JAM2: variants seen among roughly 807,000 people sequenced by gnomAD.
JAM2 encodes junctional adhesion molecule B.
JAM2 carries 17 observed loss-of-function variants against 42.0 expected under a neutral mutation model. The observed-to-expected ratio is 0.40, with a 90% CI of 0.28 to 0.61. The LOEUF is 0.61. Ranked by LOEUF, JAM2 falls within the 20% of genes least tolerant of loss-of-function variation. JAM2 has a pLI of 0.37. For missense variants in JAM2, 319 were observed against 358.3 expected, an observed-to-expected ratio of 0.89 and a Z score of 0.89; for synonymous variants, 118 against 128.6, an observed-to-expected ratio of 0.92 and a Z score of 0.56.
chr21:25,673,836 T>C (rs1178036237), intron 1 of JAM2, among the ~76,000 whole-genome samples: 1 of 152,222 alleles, frequency 6.6e-6, no homozygotes, highest in Non-Finnish European at 1.5e-5. Flanking sequence ...TCTTGAATTG[T>C]AGCTCCTGTA....
intron 1 of JAM2, among the ~76,000 whole-genome samples, chr21:25,658,689 C>T (rs1329554016): frequency 6.6e-6 from 1 of 151,920 alleles, no homozygotes; most frequent in Non-Finnish European, 1.5e-5. Flanking sequence ...TGTTGGGTAA[C>T]CTGAGGGGAT....
rs1471958248 is a variant in JAM2 at position 25,716,838 on chromosome 21, AT to A, written c.*2169del. On this transcript the variant is annotated 3_prime_UTR_variant, in exon 10 of 10. Transcript: ENST00000480456. ...ATGTTACCTATGTTTTGGTTGGAAG[AT>A]TTCTTTGGTTTGAGGAATGCTTTCC... 3 of 152,200 alleles carry A rather than the reference AT, an allele frequency of 2.0e-5. No homozygotes were observed. The East Asian group carries it at 5.8e-4, about 29-fold the overall frequency. The allele number at this position is 152,200 out of a possible 1,614,324, so 9.4% of individuals were successfully genotyped here.
intron 3 of JAM2, chr21:25,692,393 G>T: frequency 5.0e-6 from 1 of 199,384 alleles, no homozygotes; most frequent in East Asian, 1.2e-4. Context: ...CACAATCACT[G>T]ACAAGGAGAT....
chr21:25,692,231 T>C (rs2033899406), intron 3 of JAM2: 1 of 155,746 alleles, frequency 6.4e-6, no homozygotes, highest in Non-Finnish European at 1.5e-5. Flanking sequence ...AAACCAACAG[T>C]GAAACATTAA....
intron 1 of JAM2, among the ~76,000 whole-genome samples, chr21:25,652,817 C>T (rs1237160800): frequency 6.6e-6 from 1 of 152,194 alleles, no homozygotes; most frequent in Non-Finnish European, 1.5e-5. Context: ...ACTAAAAAGG[C>T]CCAGAAGACA....
intron 1 of JAM2, among the ~76,000 whole-genome samples, chr21:25,645,817 T>C (rs2032592497): frequency 6.6e-6 from 1 of 152,240 alleles, no homozygotes; most frequent in African/African-American, 2.4e-5. Flanking sequence ...TACAGCATGT[T>C]ACTGTACTGG....
chr21:25,690,519 T>TA (rs1207664012), intron 3 of JAM2, among the ~76,000 whole-genome samples: 1 of 152,102 alleles, frequency 6.6e-6, no homozygotes, highest in Non-Finnish European at 1.5e-5. Flanking sequence ...TTTATTTATT[T>TA]TTTTGTAGAG....
chr21:25,645,032 C>G (rs2032565661), intron 1 of JAM2, among the ~76,000 whole-genome samples: 3 of 152,156 alleles, frequency 2.0e-5, no homozygotes. Context: ...AGGCTCCCAC[C>G]ACCACGCCCA....
intron 1 of JAM2, among the ~76,000 whole-genome samples, chr21:25,676,672 T>C (rs1199123785): frequency 6.6e-6 from 1 of 152,212 alleles, no homozygotes; most frequent in African/African-American, 2.4e-5. Context: ...AAGACAATTG[T>C]TGACCTCAAC....
At chr21:25,709,046 G>A (rs373970368) in intron 7 of JAM2, among the ~76,000 whole-genome samples, 21 of 152,086 alleles carry the variant, frequency 1.4e-4, no homozygotes, top group East Asian at 3.9e-4. Context: ...GATAGGGCCC[G>A]CTGACTTTGA....
intron 1 of JAM2, among the ~76,000 whole-genome samples, chr21:25,678,455 G>A (rs2033550830): frequency 6.6e-6 from 1 of 152,140 alleles, no homozygotes; most frequent in Non-Finnish European, 1.5e-5. Context: ...GAAGAGAAAA[G>A]AAAGAACAGC....
chr21:25,695,634 C>T lies in JAM2; in HGVS notation c.394+1726C>T, dbSNP rs540054261. On this transcript the variant is annotated intron_variant, in intron 4 of 9. Coordinates refer to ENST00000480456, the MANE Select transcript of JAM2 (RefSeq NM_021219.4). ...CCCACCTCCCTCCCGGATGGGGCGG[C>T]GGCAGGGCGGAGATGCTCCTCACTT... Among the ~76,000 whole-genome samples, 26 of 150,264 alleles carry T rather than the reference C, an allele frequency of 1.7e-4. 1 individual carries two copies. The highest frequency in any genetic ancestry group is 7.1e-3 in the Middle Eastern group (2 of 280).
intron 1 of JAM2, among the ~76,000 whole-genome samples, chr21:25,645,236 A>C (rs1272765339): frequency 1.3e-5 from 2 of 152,212 alleles, no homozygotes; most frequent in African/African-American, 4.8e-5. Context: ...GTGGTAAAGA[A>C]CATGCACTCC....
At chr21:25,667,897 AAAAAAG>A (rs1316369732) in intron 1 of JAM2, among the ~76,000 whole-genome samples, 1 of 152,236 alleles carries the variant, frequency 6.6e-6, no homozygotes, top group East Asian at 1.9e-4. Context: ...TGAAAATATG[AAAAAAG>A]AAAAAGAAAA....
At chr21:25,701,923 T>A (rs2034174050) in intron 5 of JAM2, among the ~76,000 whole-genome samples, 1 of 145,836 alleles carries the variant, frequency 6.9e-6, no homozygotes, top group South Asian at 2.2e-4. Context: ...GCTTTCATGG[T>A]TAAAAAAAAA....
intron 1 of JAM2, among the ~76,000 whole-genome samples, chr21:25,665,571 A>G (rs1023921722): frequency 1.3e-5 from 2 of 152,186 alleles, no homozygotes; most frequent in African/African-American, 4.8e-5. Flanking sequence ...GTGATTATGG[A>G]GGCAAGCAAG....
chr21:25,690,762 C>A (rs1291449136), intron 3 of JAM2, among the ~76,000 whole-genome samples: 1 of 152,048 alleles, frequency 6.6e-6, no homozygotes, highest in Non-Finnish European at 1.5e-5. Flanking sequence ...AAAGGTAGGC[C>A]ACCACTGAGA....
chr21:25,695,143 G>C (rs1449022594), intron 4 of JAM2, among the ~76,000 whole-genome samples: 4 of 152,260 alleles, frequency 2.6e-5, no homozygotes, highest in African/African-American at 4.8e-5. Context: ...CGCAGTGTTT[G>C]TGTCCCTGGG....
intron 6 of JAM2, 103 bp downstream of exon 6, chr21:25,702,372 T>C (rs2034185176): frequency 6.8e-6 from 4 of 588,682 alleles, no homozygotes; most frequent in Admixed American, 5.2e-5. Flanking sequence ...CTGAGTGACT[T>C]GAAGAATAAA....
Sources: allele counts gnomAD v4.1 joint callset (sites outside exome capture counted in the v4.1 genomes callset), GRCh38; gene constraint gnomAD v4.1.1; transcripts MANE v1.5; gene names NCBI Gene and HGNC (gene_info 2026-07-23, HGNC 2026-07-21).